The following PHF24 variants were observed in gnomAD, a reference collection of about 807,000 sequenced individuals.
PHF24 encodes the protein PHD finger protein 24, also known as Galpha inhibitory interacting protein.
Under a neutral mutation model 42.6 loss-of-function variants are expected in PHF24, and 25 were observed. The ratio of observed to expected loss-of-function variants is 0.59; its 90% CI spans 0.43 to 0.82. PHF24 has a LOEUF of 0.82. Ranked by LOEUF, PHF24 falls within the 40% of genes least tolerant of loss-of-function variation. The pLI, the probability that PHF24 is intolerant of heterozygous loss-of-function variation, is 0.00. For missense variants in PHF24, 470 were observed against 538.1 expected (o/e 0.87, Z 1.25); for synonymous variants, 185 against 204.8 (o/e 0.90, Z 0.83).
At chr9:34,711,834 C>G in the PHF24 span, among the ~76,000 whole-genome samples, 1 of 152,190 alleles carries the variant, frequency 6.6e-6, no homozygotes, top group Non-Finnish European at 1.5e-5. Flanking sequence ...TGAGCCACTG[C>G]GCCCAGCCTG....
the PHF24 span, among the ~76,000 whole-genome samples, chr9:34,942,864 G>T: frequency 1.4e-4 from 19 of 138,516 alleles, no homozygotes; most frequent in Non-Finnish European, 2.4e-4. Context: ...TGGGGGGCAG[G>T]GGGGAGGCAT....
At chr9:34,679,761 G>T in the PHF24 span, among the ~76,000 whole-genome samples, 1 of 152,218 alleles carries the variant, frequency 6.6e-6, no homozygotes, top group Admixed American at 6.5e-5. Flanking sequence ...TGAATGGCAG[G>T]CAGTTCTAGG....
exon 3 of PHF24, chr9:34,972,521 G>A: frequency 6.2e-7 from 1 of 1,610,252 alleles, no homozygotes; most frequent in Non-Finnish European, 8.5e-7. Flanking sequence ...GGCTGGAGCT[G>A]CCACTACTGT....
intron 1 of PHF24, among the ~76,000 whole-genome samples, chr9:34,969,917 T>G (rs528733022): frequency 1.3e-3 from 200 of 152,290 alleles, no homozygotes; most frequent in African/African-American, 4.5e-3. Context: ...TGTGCATCCT[T>G]CAAGGTCCAC....
At chr9:34,673,036 G>A in the PHF24 span, among the ~76,000 whole-genome samples, 1 of 152,064 alleles carries the variant, frequency 6.6e-6, no homozygotes, top group African/African-American at 2.4e-5. Flanking sequence ...ATAGCAACCT[G>A]TCTATGACAG....
the PHF24 span, among the ~76,000 whole-genome samples, chr9:34,773,655 C>T: frequency 1.3e-5 from 2 of 152,118 alleles, no homozygotes; most frequent in Non-Finnish European, 2.9e-5. Flanking sequence ...AGTGTGTACC[C>T]TTGATATGAT....
the PHF24 span, among the ~76,000 whole-genome samples, chr9:34,901,699 T>A: frequency 6.6e-6 from 1 of 152,164 alleles, no homozygotes; most frequent in Admixed American, 6.5e-5. Flanking sequence ...GTAGATCATC[T>A]GATGTCAGGA....
At chr9:34,672,110 G>A in the PHF24 span, among the ~76,000 whole-genome samples, 1 of 152,058 alleles carries the variant, frequency 6.6e-6, no homozygotes, top group South Asian at 2.1e-4. Context: ...ATTGCTGTGG[G>A]CTGTTTTTGT....
the PHF24 span, among the ~76,000 whole-genome samples, chr9:34,755,644 T>C: frequency 6.6e-6 from 1 of 151,836 alleles, no homozygotes; most frequent in East Asian, 1.9e-4. Flanking sequence ...ATTATTAATA[T>C]TTTAATTTTA....
chr9:34,836,566 A>G, the PHF24 span, among the ~76,000 whole-genome samples: 1 of 152,206 alleles, frequency 6.6e-6, no homozygotes, highest in African/African-American at 2.4e-5. Context: ...CCTGGGAATC[A>G]ATCTTTTTCT....
At chr9:34,786,657 A>C in the PHF24 span, among the ~76,000 whole-genome samples, 3 of 152,188 alleles carry the variant, frequency 2.0e-5, no homozygotes, top group African/African-American at 7.2e-5. Context: ...TCCACATATA[A>C]ATAGAGGAGA....
At chr9:34,865,910 C>T in the PHF24 span, among the ~76,000 whole-genome samples, 1 of 152,232 alleles carries the variant, frequency 6.6e-6, no homozygotes, top group Non-Finnish European at 1.5e-5. Context: ...AGTGTAGCTG[C>T]TTCATAAAAG....
the PHF24 span, among the ~76,000 whole-genome samples, chr9:34,851,680 C>T: frequency 6.6e-6 from 1 of 152,194 alleles, no homozygotes; most frequent in African/African-American, 2.4e-5. Flanking sequence ...GCAGAAATCA[C>T]CTGTCTTCTG....
the PHF24 span, among the ~76,000 whole-genome samples, chr9:34,875,907 TACACACAC>T: frequency 1.6e-3 from 183 of 116,144 alleles, 1 homozygote; most frequent in African/African-American, 3.6e-3. Context: ...CTCTCTCTCT[TACACACAC>T]ACACACACAC....
At chr9:34,977,977 A>G (rs1196038143) in intron 7 of PHF24, 38 bp from the exon 8 acceptor site, 2 of 1,543,154 alleles carry the variant, frequency 1.3e-6, no homozygotes, top group East Asian at 2.2e-5. Context: ...CGTGTCTTCA[A>G]ACCAGCCTCA....
At chr9:34,717,531 G>A in the PHF24 span, among the ~76,000 whole-genome samples, 1 of 152,172 alleles carries the variant, frequency 6.6e-6, no homozygotes, top group Non-Finnish European at 1.5e-5. Context: ...TGAGGCTGCT[G>A]AAGAGGGCAG....
chr9:34,899,577 C>G, the PHF24 span, among the ~76,000 whole-genome samples: 2 of 152,182 alleles, frequency 1.3e-5, no homozygotes, highest in African/African-American at 4.8e-5. Flanking sequence ...AGTGGCAACA[C>G]TTTTATAGAT....
chr9:34,776,685 A>C, the PHF24 span, among the ~76,000 whole-genome samples: 4 of 152,112 alleles, frequency 2.6e-5, no homozygotes, highest in Non-Finnish European at 4.4e-5. Flanking sequence ...TATTTTTCTG[A>C]GATCTTGTGA....
At chr9:34,976,042 T>A in intron 3 of PHF24, 110 bp from the exon 4 acceptor site, 2 of 755,496 alleles carry the variant, frequency 2.6e-6, no homozygotes, top group South Asian at 3.0e-5. Flanking sequence ...AGGCTGGGAT[T>A]AGATGATCTT....
Sources: allele counts gnomAD v4.1 joint callset (sites outside exome capture counted in the v4.1 genomes callset), GRCh38; gene constraint gnomAD v4.1.1; transcripts MANE v1.5; gene names NCBI Gene and HGNC (gene_info 2026-07-23, HGNC 2026-07-21).